The following SEMA6D variants were observed in gnomAD, a reference collection of about 807,000 sequenced individuals.
The protein encoded by SEMA6D is semaphorin 6D.
In SEMA6D, 35 loss-of-function variants were observed where a neutral mutation model predicts 106.6. The ratio of observed to expected loss-of-function variants is 0.33; its 90% CI spans 0.25 to 0.44. The LOEUF (loss-of-function observed/expected upper bound fraction) is 0.44. Ranked by LOEUF, SEMA6D falls within the 20% of genes least tolerant of loss-of-function variation. The pLI is 1.00. For missense variants in SEMA6D, 1,185 were observed against 1,345.9 expected, an observed-to-expected ratio of 0.88 and a Z score of 1.87; for synonymous variants, 499 against 487.7, an observed-to-expected ratio of 1.02 and a Z score of -0.31.
chr15:47,221,385 A>T (rs1339527447), intron 1 of SEMA6D, among the ~76,000 whole-genome samples: 1 of 152,128 alleles, frequency 6.6e-6, no homozygotes, highest in Non-Finnish European at 1.5e-5. Context: ...CTGTTATTGC[A>T]ACTCCCTCGG....
At chr15:47,352,698 TAG>T (rs1208232538) in intron 1 of SEMA6D, among the ~76,000 whole-genome samples, 1 of 152,188 alleles carries the variant, frequency 6.6e-6, no homozygotes, top group Non-Finnish European at 1.5e-5. Flanking sequence ...TAAAAAGAGA[TAG>T]GGGTGAAGGC....
chr15:47,636,932 A>G (rs998383300), intron 4 of SEMA6D, among the ~76,000 whole-genome samples: 1 of 152,164 alleles, frequency 6.6e-6, no homozygotes, highest in Non-Finnish European at 1.5e-5. Flanking sequence ...AGGCTGGGCT[A>G]TGTGAACACA....
At chr15:47,705,399 C>T (rs1436617774) in intron 4 of SEMA6D, among the ~76,000 whole-genome samples, 6 of 152,168 alleles carry the variant, frequency 3.9e-5, no homozygotes, top group East Asian at 1.9e-4. Context: ...ATAAACTTCA[C>T]GTTAAACATT....
At chr15:47,415,612 C>T (rs879651235) in intron 2 of SEMA6D, among the ~76,000 whole-genome samples, 30 of 152,084 alleles carry the variant, frequency 2.0e-4, no homozygotes, top group Non-Finnish European at 2.1e-4. Context: ...CACAGCCCTC[C>T]GCTTCCATAA....
At chr15:47,690,907 A>G (rs999152621) in intron 4 of SEMA6D, among the ~76,000 whole-genome samples, 1 of 152,184 alleles carries the variant, frequency 6.6e-6, no homozygotes, top group African/African-American at 2.4e-5. Context: ...ATATAACCAT[A>G]GGATAATTTA....
chr15:47,546,218 C>T (rs1411230293), intron 3 of SEMA6D, among the ~76,000 whole-genome samples: 1 of 152,062 alleles, frequency 6.6e-6, no homozygotes, highest in Admixed American at 6.6e-5. Flanking sequence ...TGAGGCAAGA[C>T]AAGGAAGAGT....
intron 4 of SEMA6D, among the ~76,000 whole-genome samples, chr15:47,687,741 CAGAG>C: frequency 6.6e-6 from 1 of 152,066 alleles, no homozygotes; most frequent in South Asian, 2.1e-4. Context: ...AGAAAAGTAG[CAGAG>C]AGAGATTTGT....
intron 1 of SEMA6D, among the ~76,000 whole-genome samples, chr15:47,307,326 G>A (rs1869637): frequency 0.43 from 65,817 of 151,778 alleles, 16,549 homozygotes; most frequent in Non-Finnish European, 0.56. Flanking sequence ...AATTAGTCTC[G>A]TCACTTTTTT....
intron 1 of SEMA6D, among the ~76,000 whole-genome samples, chr15:47,189,663 A>G (rs771027423): frequency 2.0e-5 from 3 of 152,152 alleles, no homozygotes; most frequent in Non-Finnish European, 4.4e-5. Context: ...CCACATAGAC[A>G]TGACTTTTTT....
chr15:47,276,486 T>A (rs62015680), intron 1 of SEMA6D, among the ~76,000 whole-genome samples: 1,825 of 152,118 alleles, frequency 0.012, 34 homozygotes, highest in Admixed American at 0.013. Context: ...ATCCTAGGAG[T>A]CTTTAAGAAT....
At chr15:47,540,204 A>G (rs1232864608) in intron 3 of SEMA6D, among the ~76,000 whole-genome samples, 1 of 152,118 alleles carries the variant, frequency 6.6e-6, no homozygotes, top group East Asian at 1.9e-4. Context: ...AGAACTTTAA[A>G]ACATGGTTTA....
chr15:47,265,143 GTTCTC>G (rs1198399906), intron 1 of SEMA6D, among the ~76,000 whole-genome samples: 9 of 151,940 alleles, frequency 5.9e-5, no homozygotes, highest in African/African-American at 1.4e-4. Flanking sequence ...GCTGGGATGT[GTTCTC>G]TTCTCTCCTA....
At chr15:47,492,749 G>A (rs1345838282) in intron 3 of SEMA6D, among the ~76,000 whole-genome samples, 2 of 152,126 alleles carry the variant, frequency 1.3e-5, no homozygotes, top group East Asian at 1.9e-4. Flanking sequence ...TATGGAGGAA[G>A]CATTGGCATA....
Position 47,314,865 on chromosome 15 carries a change from T to C in SEMA6D, c.-238-97528T>C, listed in dbSNP as rs2036592262. On this transcript the variant is annotated intron_variant, in intron 1 of 19. Coordinates refer to the SEMA6D transcript ENST00000558014. ...CTAGGTTTTCTTTTTTTTTTTTTTT[T>C]TTTTTTTTTTTTTTTTTTGAGACGG... is the stretch of plus-strand genomic sequence containing the variant. Among the ~76,000 whole-genome samples the C allele has an allele frequency of 8.6e-5, 3 of 34,874 alleles. No homozygotes were observed. In the South Asian group the frequency reaches 3.6e-3, roughly 42 times the overall value. 22.9% of individuals were successfully genotyped at this position (34,874 alleles called of 152,430 possible).
At chr15:47,618,482 A>G (rs1270403243) in intron 4 of SEMA6D, among the ~76,000 whole-genome samples, 4 of 152,326 alleles carry the variant, frequency 2.6e-5, no homozygotes, top group South Asian at 2.1e-4. Context: ...CATTCAATCA[A>G]TGAGTTGCAT....
chr15:47,657,395 G>A (rs1320665116), intron 4 of SEMA6D, among the ~76,000 whole-genome samples: 1 of 151,872 alleles, frequency 6.6e-6, no homozygotes, highest in Non-Finnish European at 1.5e-5. Flanking sequence ...TCTTCAACTC[G>A]TTTCTACTCA....
intron 4 of SEMA6D, among the ~76,000 whole-genome samples, chr15:47,608,872 C>T (rs1331997369): frequency 6.6e-6 from 1 of 150,804 alleles, no homozygotes; most frequent in Non-Finnish European, 1.5e-5. Context: ...TAATTTCCTA[C>T]AGGACCAAGC....
rs746392312 is a variant in SEMA6D at position 47,773,793 on chromosome 15, C to T, written c.*2008C>T. The T allele has an allele frequency of 8.5e-5, 13 of 152,544 alleles. No individual in the cohort carries two copies. The highest frequency in any genetic ancestry group is 1.3e-4 in the Non-Finnish European group (9 of 68,026). The allele number at this position is 152,544 out of a possible 1,614,324, so 9.4% of individuals were successfully genotyped here. ...ATAAATTAAACCAACCAATGATAAA[C>T]ACTACTCAGTCCACCAACAACAAAC... is the stretch of plus-strand genomic sequence containing the variant. On this transcript the variant is annotated 3_prime_UTR_variant, in exon 19 of 19. Transcript: ENST00000536845.
rs765410127 is a variant in SEMA6D, at chr15:47,764,732, C to T, written c.1192C>T (p.Leu398=). ...ETLSFIKSHP[L]MDSAVPPIAD... is the part of the protein sequence containing the mutation. ...TCTGTCATTCATCAAATCTCATCCC[C>T]TGATGGACTCTGCCGTTCCACCCAT... The change falls in exon 12 of 19, where the codon CTG becomes TTG. Residue 398 remains leucine, a synonymous_variant. Coordinates refer to ENST00000536845, the MANE Select transcript of SEMA6D (RefSeq NM_001358351.3). 26 of 1,613,930 alleles carry T rather than the reference C, an allele frequency of 1.6e-5. No individual in the cohort carries two copies. The highest frequency in any genetic ancestry group is 2.1e-5 in the Non-Finnish European group (25 of 1,179,920).
Sources: allele counts gnomAD v4.1 joint callset (sites outside exome capture counted in the v4.1 genomes callset), GRCh38; gene constraint gnomAD v4.1.1; transcripts MANE v1.5; gene names NCBI Gene and HGNC (gene_info 2026-07-23, HGNC 2026-07-21).